The following PALLD variants were observed in gnomAD, a reference collection of about 807,000 sequenced individuals.
PALLD encodes the protein palladin, cytoskeletal associated protein.
Under a neutral mutation model 123.5 loss-of-function variants are expected in PALLD, and 61 were observed. That is an observed-to-expected ratio of 0.49 (90% confidence interval 0.40 to 0.61). The LOEUF is 0.61. PALLD is among the 20% of genes least tolerant of loss of function. PALLD has a pLI of 0.00. For missense variants in PALLD, 1,273 were observed against 1,377.0 expected, an observed-to-expected ratio of 0.92 and a Z score of 1.20; for synonymous variants, 465 against 496.4, an observed-to-expected ratio of 0.94 and a Z score of 0.84.
intron 10 of PALLD, among the ~76,000 whole-genome samples, chr4:168,736,285 C>G (rs897132434): frequency 6.6e-6 from 1 of 152,174 alleles, no homozygotes; most frequent in Non-Finnish European, 1.5e-5. Flanking sequence ...TGCATGTGTG[C>G]ACACATACAC....
At chr4:168,720,618 T>A (rs1017413790) in intron 10 of PALLD, among the ~76,000 whole-genome samples, 4 of 152,230 alleles carry the variant, frequency 2.6e-5, no homozygotes, top group Non-Finnish European at 5.9e-5. Flanking sequence ...GGGTATGAAC[T>A]CTTCATAAAT....
intron 2 of PALLD, among the ~76,000 whole-genome samples, chr4:168,566,717 TG>T (rs1159104584): frequency 1.3e-5 from 2 of 152,210 alleles, no homozygotes; most frequent in African/African-American, 2.4e-5. Flanking sequence ...CTTTCTACAG[TG>T]GCGTGAGGAT....
At chr4:168,685,810 G>GAAAAA (rs70961550) in intron 6 of PALLD, among the ~76,000 whole-genome samples, 88 of 65,634 alleles carry the variant, frequency 1.3e-3, no homozygotes, top group Non-Finnish European at 1.6e-3. Flanking sequence ...AAGACAGATA[G>GAAAAA]AAAAAAAAAA....
intron 2 of PALLD, among the ~76,000 whole-genome samples, chr4:168,610,597 G>T (rs1431124913): frequency 2.7e-5 from 4 of 150,374 alleles, no homozygotes; most frequent in African/African-American, 1.0e-4. Context: ...TGGCAATCTG[G>T]CAATGCACAA....
At chr4:168,697,417 G>T (rs4280700) in intron 8 of PALLD, among the ~76,000 whole-genome samples, 31,260 of 152,148 alleles carry the variant, frequency 0.21, 3,668 homozygotes, top group African/African-American at 0.32. Context: ...CATCAGGAAT[G>T]AAGGGCAAGT....
intron 2 of PALLD, among the ~76,000 whole-genome samples, chr4:168,666,963 C>T (rs538095458): frequency 1.3e-5 from 2 of 152,230 alleles, no homozygotes; most frequent in Non-Finnish European, 2.9e-5. Context: ...TGCTCCGTTG[C>T]CCCCAAAATA....
chr4:168,647,418 C>T (rs992600697), intron 2 of PALLD, among the ~76,000 whole-genome samples: 1 of 152,100 alleles, frequency 6.6e-6, no homozygotes, highest in African/African-American at 2.4e-5. Context: ...GTTTCTAAGG[C>T]TGCTAGGAAG....
intron 8 of PALLD, among the ~76,000 whole-genome samples, chr4:168,697,394 G>T (rs1783235876): frequency 6.6e-6 from 1 of 152,206 alleles, no homozygotes; most frequent in African/African-American, 2.4e-5. Flanking sequence ...TCCCCAGGAG[G>T]GTGACAGCTG....
At chr4:168,886,604 C>T (rs1384274423) in intron 10 of PALLD, among the ~76,000 whole-genome samples, 1 of 152,148 alleles carries the variant, frequency 6.6e-6, no homozygotes, top group Non-Finnish European at 1.5e-5. Context: ...GATCACACCA[C>T]TGCATTCCAG....
intron 9 of PALLD, 99 bp from the exon 10 acceptor site, chr4:168,711,482 C>A: frequency 2.2e-6 from 2 of 901,640 alleles, no homozygotes; most frequent in Non-Finnish European, 3.7e-6. Flanking sequence ...TTAACAACTT[C>A]ACACAACACA....
At chr4:168,811,774 T>TCACACACACACACACACACACA (rs879411684) in intron 10 of PALLD, among the ~76,000 whole-genome samples, 5 of 109,382 alleles carry the variant, frequency 4.6e-5, no homozygotes, top group Non-Finnish European at 8.5e-5. Flanking sequence ...TCTCTCTCTC[T>TCACACACACACACACACACACA]CTCACACACA....
intron 10 of PALLD, among the ~76,000 whole-genome samples, chr4:168,856,163 A>G (rs543055549): frequency 3.9e-5 from 6 of 152,332 alleles, no homozygotes; most frequent in African/African-American, 1.4e-4. Context: ...TGTTGCTACA[A>G]AGGACATGAT....
chr4:168,902,397 C>G lies in PALLD; in HGVS notation c.2473-1360C>G, dbSNP rs557363126. Reference sequence around the variant, plus strand: ...GGTGATGTAGCTATTAATTCAGCATCTCAGCCATGTTAGGGCTGTTGGCAC... The same window carrying G: ...GGTGATGTAGCTATTAATTCAGCATGTCAGCCATGTTAGGGCTGTTGGCAC... On this transcript the variant is annotated intron_variant, in intron 14 of 21. Coordinates refer to ENST00000505667, the MANE Select transcript of PALLD (RefSeq NM_001166108.2). Among the ~76,000 whole-genome samples the G allele has an allele frequency of 2.6e-5, 4 of 152,292 alleles. No individual in the cohort carries two copies. The South Asian group carries it at 8.3e-4, about 32-fold the overall frequency.
chr4:168,527,453 C>T (rs1304673221), intron 2 of PALLD, among the ~76,000 whole-genome samples: 2 of 111,338 alleles, frequency 1.8e-5, no homozygotes, highest in Non-Finnish European at 3.6e-5. Context: ...AAGTCATGCT[C>T]ATGGCATTAC....
intron 10 of PALLD, among the ~76,000 whole-genome samples, chr4:168,796,819 A>G (rs1738579335): frequency 6.6e-6 from 1 of 152,192 alleles, no homozygotes; most frequent in Non-Finnish European, 1.5e-5. Flanking sequence ...AGTAATAGTA[A>G]ATTTGTTATA....
At chr4:168,536,941 C>T (rs1447919835) in intron 2 of PALLD, among the ~76,000 whole-genome samples, 2 of 151,928 alleles carry the variant, frequency 1.3e-5, no homozygotes, top group Non-Finnish European at 2.9e-5. Flanking sequence ...TATTCTCCTG[C>T]CTCAGCCTCC....
chr4:168,800,571 C>T (rs893507134), intron 10 of PALLD, among the ~76,000 whole-genome samples: 2 of 152,086 alleles, frequency 1.3e-5, no homozygotes, highest in Non-Finnish European at 2.9e-5. Context: ...CCATTACACA[C>T]CCATTTAATT....
intron 8 of PALLD, among the ~76,000 whole-genome samples, chr4:168,698,244 G>T (rs927686448): frequency 4.6e-5 from 7 of 152,030 alleles, no homozygotes; most frequent in African/African-American, 1.7e-4. Context: ...ATGGTTAATT[G>T]GTACAAAAAT....
At chr4:168,705,528 T>C (rs2150180027) in intron 8 of PALLD, among the ~76,000 whole-genome samples, 1 of 152,368 alleles carries the variant, frequency 6.6e-6, no homozygotes. Flanking sequence ...CGTTTGTTCT[T>C]ATTGTTCTTC....
Sources: gnomAD v4.1 joint callset for allele counts (sites outside exome capture counted in the v4.1 genomes callset) on GRCh38, gnomAD v4.1.1 for gene constraint, MANE v1.5 for transcripts, NCBI Gene and HGNC (gene_info 2026-07-23, HGNC 2026-07-21) for gene names.